The following MYH3 variants were observed in gnomAD, a reference collection of about 807,000 sequenced individuals.
The protein encoded by MYH3 is myosin heavy chain 3, also known as myosin-3.
A neutral mutation model predicts 238.0 loss-of-function variants in MYH3; 130 were observed. The observed-to-expected ratio is 0.55, with a 90% confidence interval of 0.47 to 0.63. MYH3 has a LOEUF of 0.63. Among genes scored for constraint, MYH3 ranks in the 30% least tolerant of loss-of-function variants. The pLI, the probability that MYH3 is intolerant of heterozygous loss-of-function variation, is 0.00. For missense variants in MYH3, 1,853 were observed against 2,374.9 expected (o/e 0.78, Z 4.57); for synonymous variants, 880 against 924.1 (o/e 0.95, Z 0.86).
the MYH3 span, among the ~76,000 whole-genome samples, chr17:10,669,747 T>C: frequency 5.3e-5 from 8 of 151,428 alleles, no homozygotes. Flanking sequence ...CTACAAAAAA[T>C]AAAAAACAAA....
At chr17:10,665,542 G>T in the MYH3 span, among the ~76,000 whole-genome samples, 1 of 152,102 alleles carries the variant, frequency 6.6e-6, no homozygotes, top group Admixed American at 6.6e-5. Context: ...TAATCAATTG[G>T]TTCTGGAAGA....
chr17:10,672,759 T>A, the MYH3 span: 1 of 152,260 alleles, frequency 6.6e-6, no homozygotes, highest in African/African-American at 2.4e-5. Context: ...CTCATCATTT[T>A]TTCCAAAATT....
intron 2 of MYH3, among the ~76,000 whole-genome samples, chr17:10,655,333 T>C (rs575400208): frequency 6.6e-6 from 1 of 152,342 alleles, no homozygotes; most frequent in South Asian, 2.1e-4. Flanking sequence ...TCCTCAAGCA[T>C]CTGAGGCTTG....
chr17:10,654,738 G>A lies in MYH3; in HGVS notation c.204+123C>T. Reference sequence around the variant, plus strand: ...TACCTGGGAAGCCCCAGGCTACATTGTATGCGGCATTCCAGTGCTGGAACC... The same window carrying A: ...TACCTGGGAAGCCCCAGGCTACATTATATGCGGCATTCCAGTGCTGGAACC... On this transcript the variant is annotated intron_variant, in intron 3 of 40. Coordinates refer to ENST00000583535, the MANE Select transcript of MYH3 (RefSeq NM_002470.4). The surrounding 1 kb of genome is among the most constrained non-coding windows in gnomAD (Gnocchi z 4.5). 2.2e-6 allele frequency: 2 copies of A among 911,000 alleles called. No homozygotes were observed. Among genetic ancestry groups the A allele is most frequent in the Non-Finnish European group, 3.7e-6 (2 of 541,634 alleles). 56.4% of individuals were successfully genotyped at this position (911,000 alleles called of 1,614,324 possible). A position where few individuals can be genotyped will look rare whatever the true frequency, so the allele number is the denominator to read the frequency against.
chr17:10,643,105 T>G, intron 14 of MYH3, 109 bp from the exon 15 acceptor site: 1 of 1,579,364 alleles, frequency 6.3e-7, no homozygotes, highest in Non-Finnish European at 8.6e-7. Context: ...CATTAATGCT[T>G]TCAAATACAA....
upstream of MYH3, among the ~76,000 whole-genome samples, chr17:10,658,158 G>A (rs949030855): frequency 6.6e-6 from 1 of 152,164 alleles, no homozygotes; most frequent in African/African-American, 2.4e-5. Context: ...AGGGGGGGCT[G>A]TCTAACAAAT....
In MYH3 at chr17:10,640,427, G is replaced by C. The variant is rs775803901; in HGVS notation, c.2332C>G (p.Arg778Gly). Residue 778 changes from arginine to glycine, a missense_variant, in exon 21 of 41, where the codon CGG (arginine) becomes GGG (glycine). Transcript: ENST00000583535. ...ATTAGTTTGGCCAGGCGGTCATCCCGCATCTCTTCCAGGGTTCCCAGCAAG... is the reference window on the plus strand; with the variant it reads ...ATTAGTTTGGCCAGGCGGTCATCCCCCATCTCTTCCAGGGTTCCCAGCAAG... ...AGLLGTLEEM[R>G]DDRLAKLITR... 1 of 1,614,204 alleles carries C rather than the reference G, an allele frequency of 6.2e-7. No homozygotes were observed. The highest frequency in any genetic ancestry group is 1.7e-5 in the Admixed American group (1 of 60,020).
chr17:10,673,434 G>A, the MYH3 span: 1 of 152,384 alleles, frequency 6.6e-6, no homozygotes, highest in African/African-American at 2.4e-5. Context: ...ACGGGGCTGA[G>A]GCTGGTACAG....
chr17:10,630,948 A>T (rs1452013732), intron 36 of MYH3, among the ~76,000 whole-genome samples: 2 of 152,242 alleles, frequency 1.3e-5, no homozygotes, highest in Non-Finnish European at 2.9e-5. Flanking sequence ...AGCTACACCC[A>T]GTAGATAAAA....
chr17:10,675,808 C>T, the MYH3 span: 1 of 152,128 alleles, frequency 6.6e-6, no homozygotes, highest in Non-Finnish European at 1.5e-5. Flanking sequence ...AATAACGCCA[C>T]CCTATGTTTA....
intron 8 of MYH3, 42 bp downstream of exon 8, chr17:10,648,515 G>A (rs2074344612): frequency 1.9e-6 from 3 of 1,541,570 alleles, no homozygotes; most frequent in South Asian, 1.1e-5. Context: ...CCTATTTTGT[G>A]AGGCACAAAG....
rs768779720 is a variant in MYH3 at position 10,649,685 on chromosome 17, G to A, written c.534C>T (p.Thr178=). 1.1e-5 allele frequency: 17 copies of A among 1,613,436 alleles called. No individual in the cohort carries two copies. In the Middle Eastern group the frequency reaches 4.9e-4, roughly 47 times the overall value. ...TDRENQSILI[T]GESGAGKTVN... The stretch of plus-strand genomic sequence containing the variant: ...CAGTCTTTCCTGCCCCGGATTCTCC[G>A]CTGTACAGAGTGATCAAAAGAGAGA... Residue 178 remains threonine (T), a splice_region_variant and synonymous_variant, in exon 7 of 41, where the codon ACC becomes ACT. Coordinates refer to ENST00000583535, the MANE Select transcript of MYH3 (RefSeq NM_002470.4).
At chr17:10,652,345 A>G in intron 4 of MYH3, 75 bp downstream of exon 4, 6 of 1,557,638 alleles carry the variant, frequency 3.9e-6, no homozygotes, top group Non-Finnish European at 5.3e-6. Context: ...CACGGCCCAC[A>G]CACATACCTC....
rs1371263567 is a variant in MYH3 at position 10,633,721 on chromosome 17, A to G, written c.4523-6T>C. On this transcript the variant is annotated splice_region_variant and splice_polypyrimidine_tract_variant and intron_variant, in intron 32 of 40. Transcript: ENST00000583535. The stretch of plus-strand genomic sequence containing the variant: ...TGTGAGATCTGCTATCTCCTCTGTA[A>G]AGAAGTAAGTTTCAGTTGCATATGA... The G allele has an allele frequency of 6.2e-7, 1 of 1,613,850 alleles. No individual in the cohort carries two copies. Among genetic ancestry groups the G allele is most frequent in the South Asian group, 1.1e-5 (1 of 91,084 alleles).
intron 26 of MYH3, 136 bp downstream of exon 26, chr17:10,638,737 C>A: frequency 5.6e-6 from 5 of 888,202 alleles, no homozygotes; most frequent in Non-Finnish European, 7.1e-6. Context: ...ATGGCCAGGC[C>A]AGCCTAGCAG....
At position 10,630,201 on chromosome 17, in the gene MYH3, G is replaced by C; in HGVS notation, c.5458-5C>G. ...TTCAAACTCCAGCTCTCGGATCTGG[G>C]GGAGAGGGTGGGGAAATTAGTCTGG... On this transcript the variant is annotated splice_region_variant and splice_polypyrimidine_tract_variant and intron_variant, in intron 37 of 40. Coordinates refer to ENST00000583535, the MANE Select transcript of MYH3 (RefSeq NM_002470.4). 2 of 1,614,144 alleles carry C rather than the reference G, an allele frequency of 1.2e-6. No homozygotes were observed. Among genetic ancestry groups the C allele is most frequent in the Non-Finnish European group, 1.7e-6 (2 of 1,180,006 alleles).
At position 10,640,538 on chromosome 17, in the gene MYH3, G is replaced by A. The variant is rs1182307475; in HGVS notation, c.2289+25C>T. 5 of 1,614,276 alleles carry A rather than the reference G, an allele frequency of 3.1e-6. No individual in the cohort carries two copies. The South Asian group carries it at 4.4e-5, about 14-fold the overall frequency. ...CTGTGTCAAGAGGACGAAAAGGCCA[G>A]CATCTGTCAGAACTGATGCATTACC... On this transcript the variant is annotated intron_variant, in intron 20 of 40. Transcript: ENST00000583535.
Position 10,629,633 on chromosome 17 carries a change from C to T in MYH3, c.5760G>A (p.Lys1920=). The T allele has an allele frequency of 6.2e-7, 1 of 1,614,086 alleles. No homozygotes were observed. Among genetic ancestry groups the T allele is most frequent in the African/African-American group, 1.3e-5 (1 of 75,050 alleles). Residue 1920 remains lysine (K), a synonymous_variant, in exon 40 of 41, where the codon AAG becomes AAA. Transcript: ENST00000583535. ...RADIAESQVN[K]LRAKTRDFTS... ...TGAAGTCTCGAGTCTTAGCGCGGAG[C>T]TTGTTGACTTGAGATTCTGCGATAT...
chr17:10,676,455 G>C, the MYH3 span: 2 of 152,298 alleles, frequency 1.3e-5, no homozygotes, highest in East Asian at 3.9e-4. Context: ...GAATGGGCTG[G>C]GGTGGCAGTG....
Sources: gnomAD v4.1 joint callset for allele counts (sites outside exome capture counted in the v4.1 genomes callset) on GRCh38, gnomAD v4.1.1 for gene constraint, Gnocchi (gnomAD v3.1) non-coding constraint, MANE v1.5 for transcripts, NCBI Gene and HGNC (gene_info 2026-07-23, HGNC 2026-07-21) for gene names.